ZNF451: variants seen among roughly 807,000 people sequenced by gnomAD.
The protein encoded by ZNF451 is zinc finger protein 451.
In ZNF451, 80 loss-of-function variants were observed where a neutral mutation model predicts 107.1. The observed-to-expected ratio is 0.75, with a 90% confidence interval of 0.62 to 0.90. ZNF451 has a LOEUF of 0.90. ZNF451 is among the 40% of genes least tolerant of loss of function. The probability of loss-of-function intolerance (pLI) is 0.00; values close to 1 mark genes in which losing one functional copy is unlikely to be tolerated. For synonymous variants in ZNF451, 362 were observed against 406.5 expected (o/e 0.89, Z 1.32); for missense variants, 1,107 against 1,236.2 (o/e 0.90, Z 1.57).
chr6:57,122,392 G>A (rs187351112), intron 3 of ZNF451, among the ~76,000 whole-genome samples: 5 of 152,172 alleles, frequency 3.3e-5, no homozygotes, highest in East Asian at 1.9e-4. Flanking sequence ...TTAATTAAAC[G>A]AAAGAGCTTC....
Position 57,148,161 on chromosome 6 carries a change from A to G in ZNF451, c.2076A>G (p.Ile692Met). ...FLSHYEEHHS[I>M]DYVFVSEKTE... ...GTCATTATGAGGAGCACCACAGCAT[A>G]GATTATGTATTTGTGTCAGAAAAAA... Residue 692 changes from isoleucine to methionine, a missense_variant, in exon 10 of 15, where the codon ATA becomes ATG. Physicochemically the swap from Ile to Met is conservative, Grantham distance 10. Around this residue, in one of 5 missense-constraint regions of ZNF451, gnomAD observed 608 missense variants for 649.2 expected, o/e 0.94. Coordinates refer to ENST00000370706, the MANE Select transcript of ZNF451 (RefSeq NM_001031623.3). 2 of 1,614,094 alleles carry G rather than the reference A, an allele frequency of 1.2e-6. No homozygotes were observed. Among genetic ancestry groups the G allele is most frequent in the African/African-American group, 1.3e-5 (1 of 75,048 alleles).
At chr6:57,121,758 T>C (rs574858408) in intron 3 of ZNF451, among the ~76,000 whole-genome samples, 2 of 152,182 alleles carry the variant, frequency 1.3e-5, no homozygotes, top group Non-Finnish European at 2.9e-5. Context: ...AAACATTCCA[T>C]GCTCATGGAT....
intron 6 of ZNF451, chr6:57,134,209 GCTGGAC>G (rs1172040914): frequency 3.3e-5 from 5 of 152,412 alleles, no homozygotes; most frequent in African/African-American, 1.2e-4. Flanking sequence ...TAAAGTCAAA[GCTGGAC>G]CTGGGGTCGG....
intron 5 of ZNF451, 53 bp from the exon 6 acceptor site, chr6:57,132,989 A>G (rs1051836075): frequency 8.2e-6 from 13 of 1,590,758 alleles, no homozygotes; most frequent in African/African-American, 2.7e-5. Flanking sequence ...TCACTAGCCC[A>G]AAGGATAAGT....
chr6:57,115,121 G>GT (rs1369479405), intron 3 of ZNF451: 1 of 152,124 alleles, frequency 6.6e-6, no homozygotes, highest in Non-Finnish European at 1.5e-5. Flanking sequence ...CTTGCTGGGA[G>GT]TGTTGGTACA....
chr6:57,154,341 T>C (rs1763296303), intron 13 of ZNF451: 1 of 464,076 alleles, frequency 2.2e-6, no homozygotes, highest in African/African-American at 2.0e-5. Context: ...ACTACAATTT[T>C]AAAAGCTCAG....
In ZNF451 at chr6:57,121,517, C is replaced by T. The variant is rs541618980; in HGVS notation, c.187-3217C>T. Among the ~76,000 whole-genome samples the T allele has an allele frequency of 2.0e-5, 3 of 152,276 alleles. No individual in the cohort carries two copies. The East Asian group carries it at 5.8e-4, about 29-fold the overall frequency. The stretch of plus-strand genomic sequence containing the variant: ...TTCTATCTGTGAACATGAAATACCT[C>T]TCCACTTCTTGAGAGGTTCTTTGAT... On this transcript the variant is annotated intron_variant, in intron 3 of 14. Transcript: ENST00000370706.
intron 3 of ZNF451, chr6:57,107,838 ATTTT>A (rs71799243): frequency 1.1e-4 from 100 of 879,220 alleles, no homozygotes; most frequent in South Asian, 2.1e-4. Context: ...ATATTTGATG[ATTTT>A]TTTTTTTTTT....
At chr6:57,107,713 A>G (rs978653220) in intron 3 of ZNF451, 16 of 985,376 alleles carry the variant, frequency 1.6e-5, no homozygotes, top group African/African-American at 3.5e-5. Context: ...CAAGAATTCA[A>G]TAAGAATTCT....
intron 3 of ZNF451, among the ~76,000 whole-genome samples, chr6:57,119,518 C>A (rs921080758): frequency 1.3e-5 from 2 of 151,974 alleles, no homozygotes; most frequent in African/African-American, 4.8e-5. Flanking sequence ...AGCAAGACTC[C>A]GTCTCAAAAG....
intron 11 of ZNF451, 59 bp from the exon 12 acceptor site, chr6:57,152,162 A>G: frequency 6.5e-7 from 1 of 1,533,420 alleles, no homozygotes; most frequent in Non-Finnish European, 8.7e-7. Context: ...TTCTTGATAA[A>G]ATTTTTGGCC....
rs1399864666 is a variant in ZNF451 at position 57,148,241 on chromosome 6, A to G, written c.2156A>G (p.Gln719Arg). The change falls in exon 10 of 15, where the codon CAG becomes CGG. Residue 719 changes from glutamine to arginine, a missense_variant. Gln to Arg is a conservative substitution (Grantham distance 43). Around this residue, in one of 5 missense-constraint regions of ZNF451, gnomAD observed 608 missense variants for 649.2 expected, o/e 0.94. Transcript: ENST00000370706. Reference sequence around the variant, plus strand: ...TTTCCAGTAATAGAGACCAGTAACCAGTTAACTTGTGGTTGCCGTGAGAGT... The same window carrying G: ...TTTCCAGTAATAGAGACCAGTAACCGGTTAACTTGTGGTTGCCGTGAGAGT... ...DDFPVIETSN[Q>R]LTCGCRESYI... 4 of 1,614,032 alleles carry G rather than the reference A, an allele frequency of 2.5e-6. No individual in the cohort carries two copies. Among genetic ancestry groups the G allele is most frequent in the Middle Eastern group, 1.6e-4 (1 of 6,062 alleles).
chr6:57,152,393 C>G (rs1832392752), intron 12 of ZNF451, 42 bp downstream of exon 12: 3 of 1,609,770 alleles, frequency 1.9e-6, no homozygotes, highest in Non-Finnish European at 2.5e-6. Context: ...GAATCTCAGA[C>G]CCACTTGCAT....
chr6:57,134,925 A>G (rs1831360563), intron 7 of ZNF451, 55 bp downstream of exon 7: 9 of 1,485,468 alleles, frequency 6.1e-6, no homozygotes, highest in South Asian at 1.3e-5. Context: ...CATGGAGTTA[A>G]GTGGAGGTTT....
chr6:57,128,667 A>G lies in ZNF451; in HGVS notation c.313-62A>G. ...TATTTTCTGATCACTAATGTGTCAA[A>G]ATCCTTTTCTCAAGGAAAACAGGGT... On this transcript the variant is annotated intron_variant, in intron 4 of 14. Transcript: ENST00000370706. The G allele has an allele frequency of 1.8e-6, 2 of 1,095,544 alleles. 1 individual carries two copies. The highest frequency in any genetic ancestry group is 2.7e-6 in the Non-Finnish European group (2 of 744,252). 67.9% of individuals were successfully genotyped at this position (1,095,544 alleles called of 1,614,324 possible).
Position 57,151,996 on chromosome 6 carries a change from G to A in ZNF451, c.2753-225G>A, listed in dbSNP as rs1192712952. 1.2e-5 allele frequency: 5 copies of A among 430,168 alleles called. No individual in the cohort carries two copies. In the Admixed American group the frequency reaches 1.6e-4, roughly 14 times the overall value. The allele number at this position is 430,168 out of a possible 1,614,324, so 26.6% of individuals were successfully genotyped here. On this transcript the variant is annotated intron_variant, in intron 11 of 14. Transcript: ENST00000370706. ...GCTTTTGATTTTGCCTAATATCCAT[G>A]TGAGTTTTAAGATGAGTTGACAGAT...
intron 3 of ZNF451, chr6:57,102,756 G>C (rs1328916074): frequency 1.0e-6 from 1 of 985,256 alleles, no homozygotes; most frequent in East Asian, 1.1e-4. Context: ...AGATGTCGCA[G>C]GTCTATTATG....
intron 3 of ZNF451, among the ~76,000 whole-genome samples, chr6:57,113,426 A>G (rs1258303356): frequency 6.6e-6 from 1 of 151,994 alleles, no homozygotes; most frequent in Non-Finnish European, 1.5e-5. Context: ...CAAAAGTAAA[A>G]TCACTCCATT....
intron 13 of ZNF451, chr6:57,159,112 T>G: frequency 3.0e-6 from 3 of 985,388 alleles, no homozygotes; most frequent in Non-Finnish European, 3.6e-6. Flanking sequence ...TATAAAAATA[T>G]GTTGATAAAA....
Sources: gnomAD v4.1 joint callset for allele counts (sites outside exome capture counted in the v4.1 genomes callset) on GRCh38, gnomAD v4.1.1 for gene constraint, gnomAD v4.1.1 regional missense constraint, MANE v1.5 for transcripts, NCBI Gene and HGNC (gene_info 2026-07-23, HGNC 2026-07-21) for gene names.